The following LIPJ variants were observed in gnomAD, a reference collection of about 807,000 sequenced individuals.
The protein encoded by LIPJ is lipase family member J, also known as lipase member J.
A neutral mutation model predicts 39.8 loss-of-function variants in LIPJ; 33 were observed. The ratio of observed to expected loss-of-function variants is 0.83; its 90% CI spans 0.63 to 1.11. LIPJ has a LOEUF of 1.11. LIPJ is among the 50% of genes least tolerant of loss of function. The pLI, the probability that LIPJ is intolerant of heterozygous loss-of-function variation, is 0.00. For missense variants in LIPJ, 422 were observed against 427.9 expected (o/e 0.99, Z 0.12); for synonymous variants, 128 against 139.2 (o/e 0.92, Z 0.57).
downstream of LIPJ, among the ~76,000 whole-genome samples, chr10:88,608,488 T>A (rs1202304914): frequency 6.6e-6 from 1 of 152,216 alleles, no homozygotes; most frequent in Non-Finnish European, 1.5e-5. Context: ...CTTTTCTTCA[T>A]TCCATTTCCT....
At position 88,602,718 on chromosome 10, in the gene LIPJ, G is replaced by T. The variant is rs1266132687; in HGVS notation, c.795+71G>T. 4 of 877,254 alleles carry T rather than the reference G, an allele frequency of 4.6e-6. No homozygotes were observed. In the African/African-American group the frequency reaches 5.2e-5, roughly 11 times the overall value. The allele number at this position is 877,254 out of a possible 1,614,324, so 54.3% of individuals were successfully genotyped here. A position where few individuals can be genotyped will look rare whatever the true frequency, so the allele number is the denominator to read the frequency against. On this transcript the variant is annotated intron_variant, in intron 9 of 10. Coordinates refer to ENST00000371939, the Ensembl canonical transcript of LIPJ. ...TCATGGTTTACCTCATTATTCTAGG[G>T]ATCATACCATGGCCATAGAGTAATA...
chr10:88,594,700 C>T (rs891181177), exon 6 of LIPJ: 3 of 1,559,382 alleles, frequency 1.9e-6, no homozygotes, highest in Admixed American at 1.9e-5. Flanking sequence ...ACCTTCCAGC[C>T]TCTATTGATT....
intron 6 of LIPJ, among the ~76,000 whole-genome samples, chr10:88,595,774 GGGAAA>G (rs1851233280): frequency 6.6e-6 from 1 of 151,324 alleles, no homozygotes; most frequent in Non-Finnish European, 1.5e-5. Flanking sequence ...AGATGGCAAA[GGGAAA>G]AATGACTATT....
downstream of LIPJ, among the ~76,000 whole-genome samples, chr10:88,608,153 C>T (rs1312524406): frequency 1.3e-5 from 2 of 152,198 alleles, no homozygotes; most frequent in East Asian, 3.8e-4. Context: ...TCATACTCAA[C>T]TCCTGCCTAC....
chr10:88,583,417 CG>C, upstream of LIPJ: 1 of 1,362,564 alleles, frequency 7.3e-7, no homozygotes, highest in Non-Finnish European at 9.5e-7. Flanking sequence ...TGCGGAGAAC[CG>C]GGGCTGTCTG....
chr10:88,606,830 A>G lies in LIPJ; in HGVS notation c.1024A>G (p.Ile342Val), dbSNP rs116575443. ...TAAAACTATTTCTTACTACAATCAT[A>G]TAGACTCTTTGTTTGGATTAGATGT... Residue 342 changes from isoleucine (I) to valine (V), a missense_variant, in exon 11 of 11, where the codon ATA (isoleucine) becomes GTA (valine). Transcript: ENST00000371939. 2.3e-3 allele frequency: 3,768 copies of G among 1,611,038 alleles called. 6 individuals are homozygous for G. The highest frequency in any genetic ancestry group is 3.0e-3 in the Non-Finnish European group (3,567 of 1,178,372).
At chr10:88,597,801 T>C (rs562144736) in intron 8 of LIPJ, among the ~76,000 whole-genome samples, 61 of 151,998 alleles carry the variant, frequency 4.0e-4, no homozygotes, top group African/African-American at 1.4e-3. Context: ...CTTTTTCATA[T>C]TTTTCTGTTC....
chr10:88,614,667 C>A, the LIPJ span, among the ~76,000 whole-genome samples: 2 of 151,956 alleles, frequency 1.3e-5, no homozygotes, highest in Non-Finnish European at 2.9e-5. Context: ...AATTAAAATC[C>A]TTTTTTGTAA....
intron 3 of LIPJ, 46 bp from the exon 4 acceptor site, chr10:88,591,332 T>G: frequency 6.7e-7 from 1 of 1,502,900 alleles, no homozygotes; most frequent in Non-Finnish European, 9.0e-7. Flanking sequence ...TTCAACTTAA[T>G]TGGATAACAA....
At position 88,603,716 on chromosome 10, in the gene LIPJ, G is replaced by A. The variant is rs545074132; in HGVS notation, c.795+1069G>A. 2.6e-5 allele frequency among the ~76,000 whole-genome samples: 4 copies of A among 152,210 alleles called. No homozygotes were observed. The East Asian group carries it at 5.8e-4, about 22-fold the overall frequency. ...ATTGAAAAGGCTAATGATTATGAAT[G>A]TACATTAAAGTTAATAAACACTAGG... On this transcript the variant is annotated intron_variant, in intron 9 of 10. Transcript: ENST00000371939.
chr10:88,586,232 C>A (rs1045387328), upstream of LIPJ, among the ~76,000 whole-genome samples: 7 of 152,092 alleles, frequency 4.6e-5, no homozygotes, highest in African/African-American at 1.7e-4. Flanking sequence ...TCTCATTACG[C>A]CCCAACCTCC....
chr10:88,596,831 T>TA lies in LIPJ; in HGVS notation c.624dup (p.Phe209IlefsTer13). 1 of 1,603,224 alleles carries TA rather than the reference T, an allele frequency of 6.2e-7. No homozygotes were observed. Among genetic ancestry groups the TA allele is most frequent in the Non-Finnish European group, 8.5e-7 (1 of 1,174,066 alleles). ...AAGACTTCTTGCCTAAAACCTCATTTAAAAAATTCATTGGTTCAAAGCTGT... is the reference window on the plus strand; with the variant it reads ...AAGACTTCTTGCCTAAAACCTCATTTAAAAAAATTCATTGGTTCAAAGCTGT... On this transcript the variant is annotated frameshift_variant, in exon 8 of 11. Coordinates refer to ENST00000371939, the Ensembl canonical transcript of LIPJ. LOFTEE classifies it high-confidence loss of function.
chr10:88,599,310 G>C (rs1433997147), intron 8 of LIPJ, among the ~76,000 whole-genome samples: 1 of 151,658 alleles, frequency 6.6e-6, no homozygotes, highest in African/African-American at 2.4e-5. Flanking sequence ...CAAATTTCAA[G>C]TATACAGTAC....
At chr10:88,608,516 C>T (rs781516737), downstream of LIPJ, among the ~76,000 whole-genome samples, 4 of 152,258 alleles carry the variant, frequency 2.6e-5, no homozygotes, top group East Asian at 3.9e-4. Context: ...GCATAACTTC[C>T]GGGGACATTT....
At chr10:88,604,914 C>G (rs563531590) in intron 9 of LIPJ, among the ~76,000 whole-genome samples, 70 of 152,202 alleles carry the variant, frequency 4.6e-4, no homozygotes, top group Non-Finnish European at 8.7e-4. Flanking sequence ...AAGATCCTTT[C>G]GAGCAAGGAT....
the LIPJ span, among the ~76,000 whole-genome samples, chr10:88,613,267 T>G: frequency 2.0e-5 from 3 of 152,122 alleles, no homozygotes; most frequent in Non-Finnish European, 4.4e-5. Context: ...AATAGGGGCC[T>G]AGGTGAAATA....
exon 5 of LIPJ, chr10:88,593,985 C>A: frequency 6.2e-7 from 1 of 1,612,282 alleles, no homozygotes; most frequent in East Asian, 2.2e-5. Context: ...GGTTTGCTTA[C>A]ATCTGCCAGC....
At chr10:88,594,613 A>T in intron 5 of LIPJ, 54 bp from the exon 6 acceptor site, 2 of 831,602 alleles carry the variant, frequency 2.4e-6, no homozygotes, top group Non-Finnish European at 3.7e-6. Flanking sequence ...ATTTTCAAAT[A>T]CTAACATAAC....
upstream of LIPJ, chr10:88,583,110 G>A: frequency 6.2e-7 from 1 of 1,614,140 alleles, no homozygotes. Flanking sequence ...CAAGGTACAA[G>A]GGACCGGACG....
Sources: gnomAD v4.1 joint callset for allele counts (sites outside exome capture counted in the v4.1 genomes callset) on GRCh38, gnomAD v4.1.1 for gene constraint, MANE v1.5 for transcripts, NCBI Gene and HGNC (gene_info 2026-07-23, HGNC 2026-07-21) for gene names.